ANO2: variants seen among roughly 807,000 people sequenced by gnomAD.
ANO2 encodes the protein anoctamin-2.
Under a neutral mutation model 124.2 loss-of-function variants are expected in ANO2, and 101 were observed. The ratio of observed to expected loss-of-function variants is 0.81; its 90% CI spans 0.69 to 0.96. The LOEUF (loss-of-function observed/expected upper bound fraction) is 0.96, where lower values mean the gene tolerates loss of function less well. Ranked by LOEUF, ANO2 falls within the 40% of genes least tolerant of loss-of-function variation. ANO2 has a pLI of 0.00. For missense variants in ANO2, 1,293 were observed against 1,274.5 expected (o/e 1.01, Z -0.22); for synonymous variants, 486 against 482.5 (o/e 1.01, Z -0.09).
At chr12:5,569,226 G>A (rs1042587349) in intron 23 of ANO2, among the ~76,000 whole-genome samples, 1 of 152,194 alleles carries the variant, frequency 6.6e-6, no homozygotes, top group Non-Finnish European at 1.5e-5. Context: ...GCTGGTGGGT[G>A]GAGGCTGCCA....
rs1459662792 is a variant in ANO2, at chr12:5,900,170, C to T, written c.534+20870G>A. Among the ~76,000 whole-genome samples, 1 of 152,126 alleles carries T rather than the reference C, an allele frequency of 6.6e-6. No homozygotes were observed. The highest frequency in any genetic ancestry group is 2.4e-5 in the African/African-American group (1 of 41,402). ...GTATCCAACTCAACCCACATCACAG[C>T]CCTGGATTTCAATGTAATCACGGAC... On this transcript the variant is annotated intron_variant, in intron 3 of 24. Transcript: ENST00000682330. This position sits in a 1 kb window ranked among gnomAD's most constrained non-coding sequence, Gnocchi z 4.2.
At chr12:5,937,951 C>G (rs548826130) in intron 1 of ANO2, among the ~76,000 whole-genome samples, 13 of 152,294 alleles carry the variant, frequency 8.5e-5, no homozygotes, top group African/African-American at 2.4e-4. Flanking sequence ...CTCATGAGGT[C>G]TTGCCACTCT....
intron 16 of ANO2, among the ~76,000 whole-genome samples, chr12:5,627,319 G>A (rs563373764): frequency 1.3e-5 from 2 of 152,130 alleles, no homozygotes; most frequent in Non-Finnish European, 2.9e-5. Flanking sequence ...CAGAGAGCCG[G>A]GAGCCCCAGA....
In ANO2 at chr12:5,854,026, G is replaced by T; in HGVS notation, c.633+17C>A. ...AGCCCTCAGGAGGCCCAGAACCCAGGAGAAACATGCTCATACTTTCTTGGT... is the reference window on the plus strand; with the variant it reads ...AGCCCTCAGGAGGCCCAGAACCCAGTAGAAACATGCTCATACTTTCTTGGT... On this transcript the variant is annotated intron_variant, in intron 4 of 24. Coordinates refer to ENST00000682330, the MANE Select transcript of ANO2 (RefSeq NM_001364791.2). 3 of 1,609,310 alleles carry T rather than the reference G, an allele frequency of 1.9e-6. No individual in the cohort carries two copies. The highest frequency in any genetic ancestry group is 1.1e-5 in the South Asian group (1 of 90,936).
intron 19 of ANO2, among the ~76,000 whole-genome samples, chr12:5,604,867 T>C (rs1944132808): frequency 6.6e-6 from 1 of 151,986 alleles, no homozygotes; most frequent in African/African-American, 2.4e-5. Context: ...ATGCACTCAC[T>C]CATTAAAGTA....
intron 10 of ANO2, among the ~76,000 whole-genome samples, chr12:5,793,404 G>C (rs879818411): frequency 6.6e-6 from 1 of 152,132 alleles, no homozygotes; most frequent in Non-Finnish European, 1.5e-5. Context: ...AGCTTCATTT[G>C]CCTCTGTGAG....
At chr12:5,855,600 A>C (rs571251197) in intron 3 of ANO2, among the ~76,000 whole-genome samples, 1 of 152,334 alleles carries the variant, frequency 6.6e-6, no homozygotes, top group Admixed American at 6.5e-5. Context: ...TGAAAATAAC[A>C]ATTACCACAA....
chr12:5,579,645 T>C (rs1942624970), intron 20 of ANO2, among the ~76,000 whole-genome samples: 1 of 152,150 alleles, frequency 6.6e-6, no homozygotes, highest in Non-Finnish European at 1.5e-5. Flanking sequence ...TACCTGCTTA[T>C]AAAAATTCCT....
intron 7 of ANO2, 56 bp downstream of exon 7, chr12:5,827,713 G>A: frequency 6.4e-7 from 1 of 1,566,848 alleles, no homozygotes. Context: ...TGAAAGCACG[G>A]GGCGGGAGCC....
intron 3 of ANO2, among the ~76,000 whole-genome samples, chr12:5,887,077 A>G (rs1938970208): frequency 6.6e-6 from 1 of 152,360 alleles, no homozygotes; most frequent in Non-Finnish European, 1.5e-5. Context: ...AAACGGCTAA[A>G]ATGGTAAATT....
At chr12:5,677,071 A>G (rs1488474586) in intron 14 of ANO2, among the ~76,000 whole-genome samples, 1 of 150,376 alleles carries the variant, frequency 6.6e-6, no homozygotes, top group East Asian at 2.0e-4. Flanking sequence ...AAAAAAATAA[A>G]GAAGAAGGAA....
intron 3 of ANO2, among the ~76,000 whole-genome samples, chr12:5,891,022 A>G (rs1468676037): frequency 6.6e-6 from 1 of 151,952 alleles, no homozygotes; most frequent in Non-Finnish European, 1.5e-5. Flanking sequence ...CACTCTCTCC[A>G]CCTTTGGGGT....
intron 3 of ANO2, among the ~76,000 whole-genome samples, chr12:5,906,663 TG>T (rs1333750432): frequency 6.6e-6 from 1 of 151,930 alleles, no homozygotes; most frequent in Non-Finnish European, 1.5e-5. Context: ...GGCATGGTGG[TG>T]CGCACCTGTA....
At chr12:5,881,219 C>T (rs926178233) in intron 3 of ANO2, among the ~76,000 whole-genome samples, 7 of 152,144 alleles carry the variant, frequency 4.6e-5, no homozygotes, top group Non-Finnish European at 1.0e-4. Flanking sequence ...CTCTCTGTGG[C>T]AGAATGTCAA....
chr12:5,894,804 TG>T (rs916186489), intron 3 of ANO2, among the ~76,000 whole-genome samples: 4 of 152,188 alleles, frequency 2.6e-5, no homozygotes, highest in African/African-American at 9.7e-5. Flanking sequence ...TGGTTGTAGA[TG>T]GGTGGCGTTA....
At chr12:5,931,030 C>A (rs1038091681) in intron 1 of ANO2, among the ~76,000 whole-genome samples, 2 of 152,156 alleles carry the variant, frequency 1.3e-5, no homozygotes, top group Non-Finnish European at 2.9e-5. Context: ...AGTAAGCTGG[C>A]CTTCCTACTG....
intron 3 of ANO2, among the ~76,000 whole-genome samples, chr12:5,909,503 T>C (rs956791076): frequency 6.6e-6 from 1 of 152,188 alleles, no homozygotes; most frequent in Non-Finnish European, 1.5e-5. Context: ...TTTTCCAGAA[T>C]AGAAGTCGAG....
intron 7 of ANO2, among the ~76,000 whole-genome samples, chr12:5,807,789 A>C (rs1411347909): frequency 6.6e-6 from 1 of 152,224 alleles, no homozygotes; most frequent in Non-Finnish European, 1.5e-5. Flanking sequence ...CTGTTTCACA[A>C]GGCAGCGTTC....
At chr12:5,868,432 T>C (rs1378428834) in intron 3 of ANO2, among the ~76,000 whole-genome samples, 1 of 151,952 alleles carries the variant, frequency 6.6e-6, no homozygotes, top group East Asian at 1.9e-4. Context: ...AGCAGAAAAA[T>C]AAGAATCTGG....
Sources: gnomAD v4.1 joint callset for allele counts (sites outside exome capture counted in the v4.1 genomes callset) on GRCh38, gnomAD v4.1.1 for gene constraint, Gnocchi (gnomAD v3.1) non-coding constraint, MANE v1.5 for transcripts, NCBI Gene and HGNC (gene_info 2026-07-23, HGNC 2026-07-21) for gene names.